RETREG1: variants seen among roughly 807,000 people sequenced by gnomAD.
RETREG1 encodes the protein family with sequence similarity 134 member B.
In RETREG1, 44 loss-of-function variants were observed where a neutral mutation model predicts 54.8. The ratio of observed to expected loss-of-function variants is 0.80; its 90% CI spans 0.63 to 1.03. The LOEUF (loss-of-function observed/expected upper bound fraction) is 1.03. Among genes scored for constraint, RETREG1 ranks in the 50% least tolerant of loss-of-function variants. RETREG1 has a pLI of 0.00. For synonymous variants in RETREG1, 217 were observed against 238.5 expected (o/e 0.91, Z 0.83); for missense variants, 554 against 605.1 (o/e 0.92, Z 0.89).
intron 3 of RETREG1, among the ~76,000 whole-genome samples, chr5:16,506,477 G>GTTT (rs34135867): frequency 2.1e-5 from 3 of 144,540 alleles, no homozygotes; most frequent in South Asian, 2.2e-4. Flanking sequence ...TTGTTTTTTT[G>GTTT]TTTTTTTTTT....
rs543167428 is a variant in RETREG1, at chr5:16,490,687, A to G, written c.459-7215T>C. On this transcript the variant is annotated intron_variant, in intron 3 of 8. Transcript: ENST00000306320. ...CCCAGATACATTAGCTATCTTGTTC[A>G]AGGTCACAGAATGAATCCACAATGG... is the stretch of plus-strand genomic sequence containing the variant. Among the ~76,000 whole-genome samples, 10 of 152,344 alleles carry G rather than the reference A, an allele frequency of 6.6e-5. No homozygotes were observed. The East Asian group carries it at 1.7e-3, about 26-fold the overall frequency.
At chr5:16,599,908 G>A (rs1165478248) in intron 1 of RETREG1, among the ~76,000 whole-genome samples, 1 of 152,230 alleles carries the variant, frequency 6.6e-6, no homozygotes, top group Non-Finnish European at 1.5e-5. Flanking sequence ...GCAGCAGAAA[G>A]AGCGCTGGGA....
chr5:16,489,157 C>T (rs1007825436), intron 3 of RETREG1, among the ~76,000 whole-genome samples: 2 of 148,734 alleles, frequency 1.3e-5, no homozygotes, highest in African/African-American at 5.0e-5. Context: ...GTGATTCAAC[C>T]GCCAACTGTA....
rs1742930575 is a variant in RETREG1 at position 16,597,365 on chromosome 5, G to C, written c.320+19287C>G. Among the ~76,000 whole-genome samples the C allele has an allele frequency of 6.6e-6, 1 of 152,204 alleles. No homozygotes were observed. Among genetic ancestry groups the C allele is most frequent in the African/African-American group, 2.4e-5 (1 of 41,446 alleles). Reference sequence around the variant, plus strand: ...GCTCCACACCCATTAGTTCTGAATTGTAACATTATCCTTATTCACTGATTT... The same window carrying C: ...GCTCCACACCCATTAGTTCTGAATTCTAACATTATCCTTATTCACTGATTT... On this transcript the variant is annotated intron_variant, in intron 1 of 8. Transcript: ENST00000306320. The surrounding 1 kb of genome is among the most constrained non-coding windows in gnomAD (Gnocchi z 4.3).
chr5:16,608,584 T>C (rs190108468), intron 1 of RETREG1, among the ~76,000 whole-genome samples: 26 of 152,290 alleles, frequency 1.7e-4, no homozygotes, highest in Admixed American at 3.3e-4. Flanking sequence ...AACTGTGACA[T>C]ACTCTCTCAA....
At chr5:16,519,595 A>G (rs1055660245) in intron 3 of RETREG1, among the ~76,000 whole-genome samples, 11 of 152,248 alleles carry the variant, frequency 7.2e-5, no homozygotes, top group African/African-American at 2.6e-4. Context: ...AGCTCCTTTC[A>G]GCCCAAAATA....
At chr5:16,479,920 A>T (rs1026247250) in intron 5 of RETREG1, among the ~76,000 whole-genome samples, 2 of 152,086 alleles carry the variant, frequency 1.3e-5, no homozygotes, top group African/African-American at 2.4e-5. Context: ...GCAGTGCCAG[A>T]TCATAGTTTT....
intron 1 of RETREG1, among the ~76,000 whole-genome samples, chr5:16,603,163 T>A (rs754963395): frequency 2.0e-5 from 3 of 152,172 alleles, no homozygotes; most frequent in Non-Finnish European, 4.4e-5. Context: ...AAAAACCCAG[T>A]GGAATTAATT....
chr5:16,474,668 C>CATTTTTTTTTTTTTT lies in RETREG1; in HGVS notation c.*72_*73insAAAAAAAAAAAAAAT. 7.8e-7 allele frequency: 1 copy of CATTTTTTTTTTTTTT among 1,283,246 alleles called. No individual in the cohort carries two copies. Among genetic ancestry groups the CATTTTTTTTTTTTTT allele is most frequent in the East Asian group, 2.4e-5 (1 of 42,206 alleles). 79.5% of individuals were successfully genotyped at this position (1,283,246 alleles called of 1,614,324 possible). A position where few individuals can be genotyped will look rare whatever the true frequency, so the allele number is the denominator to read the frequency against. ...GCTTACAGTTCAATTTTTTTCTTTT[C>CATTTTTTTTTTTTTT]CTTTTTTTTTTTTTTTTCTTGTTTG... On this transcript the variant is annotated 3_prime_UTR_variant, in exon 9 of 9. Transcript: ENST00000306320.
intron 1 of RETREG1, among the ~76,000 whole-genome samples, chr5:16,613,017 T>C (rs58422470): frequency 0.043 from 6,596 of 152,274 alleles, 524 homozygotes; most frequent in African/African-American, 0.15. Context: ...TTCATTGTTA[T>C]ATGGTATCAC....
intron 3 of RETREG1, among the ~76,000 whole-genome samples, chr5:16,551,455 G>A (rs1741539820): frequency 1.3e-5 from 2 of 152,016 alleles, no homozygotes; most frequent in Admixed American, 1.3e-4. Flanking sequence ...GACTCTTCTT[G>A]ACTACCTTGG....
intron 8 of RETREG1, 110 bp downstream of exon 8, chr5:16,477,549 TCTA>T (rs1738586476): frequency 9.9e-7 from 1 of 1,009,262 alleles, no homozygotes; most frequent in South Asian, 1.4e-5. Flanking sequence ...CAAGTAATAT[TCTA>T]CTGTGTAGAT....
chr5:16,482,850 C>T (rs533677911), intron 4 of RETREG1: 2 of 160,804 alleles, frequency 1.2e-5, no homozygotes, highest in African/African-American at 4.8e-5. Context: ...TGGAAAAATA[C>T]TCATTTTGTT....
chr5:16,483,185 C>T, intron 4 of RETREG1, 161 bp downstream of exon 4: 1 of 767,396 alleles, frequency 1.3e-6, no homozygotes, highest in Non-Finnish European at 2.2e-6. Flanking sequence ...TGTTCGCACA[C>T]TCACACATCT....
At chr5:16,606,155 G>C (rs1743185667) in intron 1 of RETREG1, among the ~76,000 whole-genome samples, 3 of 152,136 alleles carry the variant, frequency 2.0e-5, no homozygotes, top group Non-Finnish European at 4.4e-5. Context: ...CTTCGGGTGT[G>C]ATTGGAGACC....
intron 1 of RETREG1, among the ~76,000 whole-genome samples, chr5:16,605,767 G>A (rs1007959741): frequency 6.6e-6 from 1 of 152,156 alleles, no homozygotes; most frequent in African/African-American, 2.4e-5. Context: ...CTTTGCAGAT[G>A]GCACCTTCTT....
chr5:16,530,286 G>A (rs1740873997), intron 3 of RETREG1, among the ~76,000 whole-genome samples: 1 of 152,112 alleles, frequency 6.6e-6, no homozygotes, highest in Admixed American at 6.5e-5. Context: ...GTGCTCCCAG[G>A]GGCATTTCTG....
intron 1 of RETREG1, among the ~76,000 whole-genome samples, chr5:16,588,353 G>C (rs1742672538): frequency 6.6e-6 from 1 of 152,136 alleles, no homozygotes; most frequent in South Asian, 2.1e-4. Flanking sequence ...CAGTCATATT[G>C]AATCAGGGCC....
intron 1 of RETREG1, among the ~76,000 whole-genome samples, chr5:16,610,985 A>T (rs865842724): frequency 4.6e-5 from 7 of 152,258 alleles, no homozygotes; most frequent in Non-Finnish European, 7.3e-5. Context: ...TATTCACAAT[A>T]CCAAAGACTT....
Sources: gnomAD v4.1 joint callset for allele counts (sites outside exome capture counted in the v4.1 genomes callset) on GRCh38, gnomAD v4.1.1 for gene constraint, Gnocchi (gnomAD v3.1) non-coding constraint, MANE v1.5 for transcripts, NCBI Gene and HGNC (gene_info 2026-07-23, HGNC 2026-07-21) for gene names.